COBLL1: variants seen among roughly 807,000 people sequenced by gnomAD.
COBLL1 encodes cordon-bleu WH2 repeat protein like 1, also known as cordon-bleu protein-like 1.
Under a neutral mutation model 94.8 loss-of-function variants are expected in COBLL1, and 50 were observed. That is an observed-to-expected ratio of 0.53 (90% CI 0.42 to 0.67). The LOEUF (loss-of-function observed/expected upper bound fraction) is 0.67, where lower values mean the gene tolerates loss of function less well. Ranked by LOEUF, COBLL1 falls within the 30% of genes least tolerant of loss-of-function variation. The pLI, the probability that COBLL1 is intolerant of heterozygous loss-of-function variation, is 0.00. For synonymous variants in COBLL1, 448 were observed against 473.8 expected (o/e 0.95, Z 0.71); for missense variants, 1,362 against 1,348.7 (o/e 1.01, Z -0.15).
At chr2:164,795,559 G>T (rs541008239) in intron 2 of COBLL1, among the ~76,000 whole-genome samples, 6 of 152,086 alleles carry the variant, frequency 3.9e-5, no homozygotes, top group African/African-American at 1.4e-4. Flanking sequence ...TTCTCTCCAG[G>T]ATCGTAAGCT....
At chr2:164,670,167 T>G (rs1335184303) in intron 1 of COBLL1, among the ~76,000 whole-genome samples, 1 of 152,188 alleles carries the variant, frequency 6.6e-6, no homozygotes, top group African/African-American at 2.4e-5. Flanking sequence ...TTGGTACCAG[T>G]TTTCAGATGC....
intron 2 of COBLL1, among the ~76,000 whole-genome samples, chr2:164,759,171 G>T (rs1431218202): frequency 6.6e-6 from 1 of 152,064 alleles, no homozygotes; most frequent in Non-Finnish European, 1.5e-5. Flanking sequence ...ATGAACTTGG[G>T]TAAATATTAA....
intron 2 of COBLL1, among the ~76,000 whole-genome samples, chr2:164,817,336 C>G (rs1204850193): frequency 2.1e-5 from 3 of 142,770 alleles, no homozygotes; most frequent in Non-Finnish European, 3.0e-5. Context: ...CCTAAATTCC[C>G]TTATCTGAGT....
At chr2:164,691,824 G>A (rs1212395542) in intron 13 of COBLL1, among the ~76,000 whole-genome samples, 1 of 152,004 alleles carries the variant, frequency 6.6e-6, no homozygotes, top group African/African-American at 2.4e-5. Flanking sequence ...CCTCATATAT[G>A]TTAGTAACTA....
intron 2 of COBLL1, among the ~76,000 whole-genome samples, chr2:164,759,463 A>T (rs1159141139): frequency 6.6e-6 from 1 of 152,124 alleles, no homozygotes; most frequent in Admixed American, 6.6e-5. Context: ...ATAAAAACAT[A>T]AGAAAAAAAT....
chr2:164,688,252 T>A (rs1683410074), intron 13 of COBLL1, among the ~76,000 whole-genome samples: 1 of 152,168 alleles, frequency 6.6e-6, no homozygotes, highest in Non-Finnish European at 1.5e-5. Context: ...TTTAAAAACT[T>A]GTTTACTAAA....
In COBLL1 at chr2:164,681,569, G is replaced by A. The variant is rs1683042525; in HGVS notation, c.*4377C>T. 2 of 152,210 alleles carry A rather than the reference G, an allele frequency of 1.3e-5. No homozygotes were observed. Among genetic ancestry groups the A allele is most frequent in the African/African-American group, 4.8e-5 (2 of 41,444 alleles). 9.4% of individuals were successfully genotyped at this position (152,210 alleles called of 1,614,324 possible). A position where few individuals can be genotyped will look rare whatever the true frequency, so the allele number is the denominator to read the frequency against. ...GATGCAAGAGAGGGAAAGAACTGAGGCCATCACTGCTATCACAGCAAAAGG... is the reference window on the plus strand; with the variant it reads ...GATGCAAGAGAGGGAAAGAACTGAGACCATCACTGCTATCACAGCAAAAGG... On this transcript the variant is annotated 3_prime_UTR_variant, in exon 14 of 14. Coordinates refer to ENST00000652658, the MANE Select transcript of COBLL1 (RefSeq NM_001365672.2).
At chr2:164,760,215 TA>T (rs1687611478) in intron 2 of COBLL1, among the ~76,000 whole-genome samples, 1 of 152,092 alleles carries the variant, frequency 6.6e-6, no homozygotes, top group Admixed American at 6.6e-5. Flanking sequence ...TACTCAGCAA[TA>T]AAAATCAGCA....
intron 2 of COBLL1, among the ~76,000 whole-genome samples, chr2:164,809,274 A>C (rs1449674840): frequency 6.6e-6 from 1 of 152,046 alleles, no homozygotes; most frequent in African/African-American, 2.4e-5. Flanking sequence ...GCATCCATAA[A>C]AGCCATTTTA....
chr2:164,730,106 CA>C lies in COBLL1; in HGVS notation c.239del (p.Met80ArgfsTer5). 2.5e-6 allele frequency: 4 copies of C among 1,612,832 alleles called. No individual in the cohort carries two copies. Among genetic ancestry groups the C allele is most frequent in the Non-Finnish European group, 3.4e-6 (4 of 1,178,990 alleles). ...CACAAAGGAATATCAACAAGTCCAT[CA>C]TAGGTTTACTGTAAAACAAGAGTAT... is the stretch of plus-strand genomic sequence containing the variant. ...KSTTVHGSKPMMDLLIFLCAQ... is the reference protein window; with the variant it reads ...KSTTVHGSKPXMDLLIFLCAQ... On this transcript the variant is annotated frameshift_variant, in exon 4 of 14. Transcript: ENST00000652658. LOFTEE classifies it high-confidence loss of function.
At position 164,841,530 on chromosome 2, in the gene COBLL1, G is replaced by A; in HGVS notation, c.-51+180C>T. 1.1e-6 allele frequency: 1 copy of A among 929,606 alleles called. No individual in the cohort carries two copies. The highest frequency in any genetic ancestry group is 1.3e-6 in the Non-Finnish European group (1 of 745,164). The allele number at this position is 929,606 out of a possible 1,614,324, so 57.6% of individuals were successfully genotyped here. A position where few individuals can be genotyped will look rare whatever the true frequency, so the allele number is the denominator to read the frequency against. ...CATTTGGCGCCTCTCGGAGGGAGAG[G>A]AGCCGCCGGGGCTGGAAAAGGAGGA... On this transcript the variant is annotated intron_variant, in intron 1 of 13. Transcript: ENST00000652658. This position sits in a 1 kb window ranked among gnomAD's most constrained non-coding sequence, Gnocchi z 5.5.
intron 2 of COBLL1, among the ~76,000 whole-genome samples, chr2:164,756,013 T>C (rs1008723749): frequency 5.3e-5 from 8 of 151,624 alleles, no homozygotes; most frequent in African/African-American, 1.9e-4. Flanking sequence ...CACATACAAA[T>C]GTGTGAGTAT....
rs542621382 is a variant in COBLL1, at chr2:164,680,236, A to C, written c.*5710T>G. 6.6e-6 allele frequency: 1 copy of C among 152,122 alleles called. No individual in the cohort carries two copies. The highest frequency in any genetic ancestry group is 6.6e-5 in the Admixed American group (1 of 15,266). The allele number at this position is 152,122 out of a possible 1,614,324, so 9.4% of individuals were successfully genotyped here. A position where few individuals can be genotyped will look rare whatever the true frequency, so the allele number is the denominator to read the frequency against. ...TATTGACTTTATTATAATTTCAAAC[A>C]TGCAGACAAGTTAAAAATCATGTAC... On this transcript the variant is annotated 3_prime_UTR_variant, in exon 14 of 14. Transcript: ENST00000652658.
chr2:164,752,654 A>G (rs1254079181), intron 2 of COBLL1, among the ~76,000 whole-genome samples: 1 of 152,026 alleles, frequency 6.6e-6, no homozygotes, highest in Non-Finnish European at 1.5e-5. Flanking sequence ...ACTCCCCACT[A>G]CCCAATAACC....
intron 3 of COBLL1, among the ~76,000 whole-genome samples, chr2:164,737,894 C>T (rs1027855282): frequency 2.0e-5 from 3 of 152,140 alleles, no homozygotes; most frequent in Admixed American, 2.0e-4. Context: ...TAAACTGGTG[C>T]TATGGGACAG....
At chr2:164,750,119 A>G (rs184986217) in intron 2 of COBLL1, among the ~76,000 whole-genome samples, 1 of 152,282 alleles carries the variant, frequency 6.6e-6, no homozygotes, top group Non-Finnish European at 1.5e-5. Flanking sequence ...AAATATCACT[A>G]TATGTCAGTG....
chr2:164,840,967 G>A (rs992287413), intron 2 of COBLL1, 189 bp downstream of exon 2: 6 of 533,292 alleles, frequency 1.1e-5, no homozygotes, highest in Admixed American at 4.4e-5. Context: ...AAAACGACCC[G>A]AGCCCTCCGC....
At chr2:164,733,721 C>T (rs7355420) in intron 3 of COBLL1, among the ~76,000 whole-genome samples, 1 of 152,114 alleles carries the variant, frequency 6.6e-6, no homozygotes, top group African/African-American at 2.4e-5. Flanking sequence ...TGTATCTAAC[C>T]TGATTCCTTA....
intron 13 of COBLL1, among the ~76,000 whole-genome samples, chr2:164,690,833 C>G (rs1295441615): frequency 6.6e-6 from 1 of 152,008 alleles, no homozygotes; most frequent in Non-Finnish European, 1.5e-5. Flanking sequence ...AACTGAGAAA[C>G]CAGTAGTGCT....
Sources: allele counts gnomAD v4.1 joint callset (sites outside exome capture counted in the v4.1 genomes callset), GRCh38; gene constraint gnomAD v4.1.1; non-coding constraint Gnocchi (gnomAD v3.1); transcripts MANE v1.5; gene names NCBI Gene and HGNC (gene_info 2026-07-23, HGNC 2026-07-21).